The following SLC24A3 variants were observed in gnomAD, a reference collection of about 807,000 sequenced individuals.
The protein encoded by SLC24A3 is sodium/potassium/calcium exchanger 3.
A neutral mutation model predicts 75.8 loss-of-function variants in SLC24A3; 28 were observed. The ratio of observed to expected loss-of-function variants is 0.37; its 90% CI spans 0.27 to 0.51. The LOEUF is 0.51. Ranked by LOEUF, SLC24A3 falls within the 20% of genes least tolerant of loss-of-function variation. The pLI is 0.94. For synonymous variants in SLC24A3, 372 were observed against 334.1 expected (o/e 1.11, Z -1.24); for missense variants, 663 against 847.8 (o/e 0.78, Z 2.71).
chr20:19,469,244 G>A lies in SLC24A3; in HGVS notation c.272-46244G>A, dbSNP rs192815107. 7.2e-5 allele frequency among the ~76,000 whole-genome samples: 11 copies of A among 152,218 alleles called. No individual in the cohort carries two copies. In the East Asian group the frequency reaches 7.8e-4, roughly 11 times the overall value. On this transcript the variant is annotated intron_variant, in intron 2 of 16. Coordinates refer to ENST00000328041, the MANE Select transcript of SLC24A3 (RefSeq NM_020689.4). The stretch of plus-strand genomic sequence containing the variant: ...GATGAGGAGGACTGGGAAGGGTGGC[G>A]TAGGAACTGGATGACAGGAACTTCA...
intron 6 of SLC24A3, among the ~76,000 whole-genome samples, chr20:19,589,514 T>C (rs532379876): frequency 2.6e-4 from 40 of 151,884 alleles, no homozygotes; most frequent in African/African-American, 9.7e-4. Context: ...ATGGTAAAGG[T>C]GGGGAAATAT....
chr20:19,306,776 A>G (rs1178487895), intron 2 of SLC24A3, among the ~76,000 whole-genome samples: 1 of 152,224 alleles, frequency 6.6e-6, no homozygotes, highest in Admixed American at 6.5e-5. Flanking sequence ...GGGTGACAGT[A>G]TCATTCATAC....
Position 19,456,342 on chromosome 20 carries a change from G to A in SLC24A3, c.272-59146G>A, listed in dbSNP as rs1224694153. Among the ~76,000 whole-genome samples, 4 of 152,148 alleles carry A rather than the reference G, an allele frequency of 2.6e-5. No homozygotes were observed. In the East Asian group the frequency reaches 5.8e-4, roughly 22 times the overall value. On this transcript the variant is annotated intron_variant, in intron 2 of 16. Coordinates refer to ENST00000328041, the MANE Select transcript of SLC24A3 (RefSeq NM_020689.4). ...GGACCTGGGGAGAGATAATTGAATC[G>A]TGGGGGCAGTTTCCCCCATACTGTT...
At chr20:19,654,239 A>C (rs965206116) in intron 7 of SLC24A3, 103 bp downstream of exon 7, 1 of 989,514 alleles carries the variant, frequency 1.0e-6, no homozygotes, top group Non-Finnish European at 1.6e-6. Flanking sequence ...ACCGGTGGCG[A>C]GTGCGAGATG....
intron 1 of SLC24A3, among the ~76,000 whole-genome samples, chr20:19,225,239 A>T (rs980359741): frequency 1.3e-5 from 2 of 152,154 alleles, no homozygotes; most frequent in African/African-American, 2.4e-5. Flanking sequence ...TGATTTGAAG[A>T]TACTTCCAAA....
At chr20:19,669,296 G>C (rs2032436841) in intron 8 of SLC24A3, among the ~76,000 whole-genome samples, 1 of 152,132 alleles carries the variant, frequency 6.6e-6, no homozygotes, top group Non-Finnish European at 1.5e-5. Context: ...GAGGTTAGGA[G>C]TTCGAGACCA....
In SLC24A3 at chr20:19,666,854, G is replaced by A. The variant is rs149769087; in HGVS notation, c.713+965G>A. 3.2e-3 allele frequency among the ~76,000 whole-genome samples: 485 copies of A among 152,288 alleles called. 2 individuals carry two copies. Among genetic ancestry groups the A allele is most frequent in the African/African-American group, 8.9e-3 (369 of 41,542 alleles). Reference sequence around the variant, plus strand: ...ATTTGGTCCAACTGTTCAAATCCTCGTTTTCGAGATGGGTTCTGAGCAAAT... The same window carrying A: ...ATTTGGTCCAACTGTTCAAATCCTCATTTTCGAGATGGGTTCTGAGCAAAT... On this transcript the variant is annotated intron_variant, in intron 8 of 16. Coordinates refer to ENST00000328041, the MANE Select transcript of SLC24A3 (RefSeq NM_020689.4).
chr20:19,628,318 A>T (rs1432040961), intron 6 of SLC24A3, among the ~76,000 whole-genome samples: 2 of 152,132 alleles, frequency 1.3e-5, no homozygotes, highest in Non-Finnish European at 1.5e-5. Context: ...TTTCAGCAAG[A>T]TGGTGGAACA....
At chr20:19,438,211 T>C (rs1487285293) in intron 2 of SLC24A3, among the ~76,000 whole-genome samples, 1 of 152,196 alleles carries the variant, frequency 6.6e-6, no homozygotes, top group Non-Finnish European at 1.5e-5. Context: ...AAAATGCTGG[T>C]CTTTGAGCAC....
intron 2 of SLC24A3, among the ~76,000 whole-genome samples, chr20:19,385,079 A>G (rs1421102068): frequency 6.6e-6 from 1 of 151,822 alleles, no homozygotes; most frequent in African/African-American, 2.4e-5. Context: ...ATTTTTTCTC[A>G]TTTCTTAGGT....
intron 2 of SLC24A3, among the ~76,000 whole-genome samples, chr20:19,471,715 T>C (rs1987875043): frequency 6.6e-6 from 1 of 152,094 alleles, no homozygotes; most frequent in Non-Finnish European, 1.5e-5. Context: ...AAAGAAAGTG[T>C]GTAGTAGATA....
intron 2 of SLC24A3, among the ~76,000 whole-genome samples, chr20:19,306,964 C>T (rs1220210473): frequency 1.3e-5 from 2 of 152,222 alleles, no homozygotes; most frequent in Non-Finnish European, 1.5e-5. Flanking sequence ...GACCTTTCCT[C>T]TGAGTGAGAT....
chr20:19,669,064 G>A (rs561705751), intron 8 of SLC24A3, among the ~76,000 whole-genome samples: 2 of 152,322 alleles, frequency 1.3e-5, no homozygotes, highest in South Asian at 4.1e-4. Flanking sequence ...TCAGGGCCTG[G>A]GGTCAGGCGC....
intron 6 of SLC24A3, among the ~76,000 whole-genome samples, chr20:19,635,999 G>A (rs887879663): frequency 3.9e-5 from 6 of 152,168 alleles, no homozygotes; most frequent in African/African-American, 1.4e-4. Context: ...AATTAGCCAG[G>A]CGTGGTGGCG....
chr20:19,506,350 C>T (rs143372956), intron 2 of SLC24A3, among the ~76,000 whole-genome samples: 1,713 of 152,258 alleles, frequency 0.011, 21 homozygotes, highest in Non-Finnish European at 0.015. Flanking sequence ...AGAGATGCTT[C>T]TCATGACCTT....
At position 19,721,199 on chromosome 20, in the gene SLC24A3, C is replaced by A; in HGVS notation, c.*59C>A. Reference sequence around the variant, plus strand: ...TTTTCTGTGCAATACGAGACCCGGCCGCACCCCGAGTCACACAGGCCCCCG... The same window carrying A: ...TTTTCTGTGCAATACGAGACCCGGCAGCACCCCGAGTCACACAGGCCCCCG... On this transcript the variant is annotated 3_prime_UTR_variant, in exon 17 of 17. Transcript: ENST00000328041. 6 of 1,595,390 alleles carry A rather than the reference C, an allele frequency of 3.8e-6. No individual in the cohort carries two copies. Among genetic ancestry groups the A allele is most frequent in the Non-Finnish European group, 5.1e-6 (6 of 1,172,312 alleles).
chr20:19,429,425 C>T (rs1268641110), intron 2 of SLC24A3, among the ~76,000 whole-genome samples: 2 of 152,200 alleles, frequency 1.3e-5, no homozygotes, highest in East Asian at 3.8e-4. Flanking sequence ...TGGTGCAAAG[C>T]CTTGAAAGAA....
In SLC24A3 at chr20:19,601,989, A is replaced by G. The variant is rs542023234; in HGVS notation, c.612+16445A>G. 9.9e-5 allele frequency among the ~76,000 whole-genome samples: 15 copies of G among 152,242 alleles called. 1 individual carries two copies. The highest frequency in any genetic ancestry group is 3.4e-4 in the African/African-American group (14 of 41,558). ...GGAGTTCGAGACCAGCCTGGGCAACATGGTGAAACCCTGTCTCTACTAAAA... is the reference window on the plus strand; with the variant it reads ...GGAGTTCGAGACCAGCCTGGGCAACGTGGTGAAACCCTGTCTCTACTAAAA... On this transcript the variant is annotated intron_variant, in intron 6 of 16. Coordinates refer to ENST00000328041, the MANE Select transcript of SLC24A3 (RefSeq NM_020689.4).
At chr20:19,320,316 A>T (rs1420161055) in intron 2 of SLC24A3, among the ~76,000 whole-genome samples, 1 of 152,190 alleles carries the variant, frequency 6.6e-6, no homozygotes, top group Non-Finnish European at 1.5e-5. Flanking sequence ...ACATGAGGGG[A>T]TGCCTGAGTG....
Sources: gnomAD v4.1 joint callset for allele counts (sites outside exome capture counted in the v4.1 genomes callset) on GRCh38, gnomAD v4.1.1 for gene constraint, MANE v1.5 for transcripts, NCBI Gene and HGNC (gene_info 2026-07-23, HGNC 2026-07-21) for gene names.